NREP: variants seen among roughly 807,000 people sequenced by gnomAD.
The protein encoded by NREP is neuronal regeneration related protein.
In NREP, 5 loss-of-function variants were observed where a neutral mutation model predicts 8.6. That is an observed-to-expected ratio of 0.58 (90% CI 0.30 to 1.22). The LOEUF is 1.22. Among genes scored for constraint, NREP ranks in the 50% most tolerant of loss-of-function variants. The probability of loss-of-function intolerance (pLI) is 0.07; values close to 1 mark genes in which losing one functional copy is unlikely to be tolerated. For missense variants in NREP, 86 were observed against 82.5 expected (o/e 1.04, Z -0.17); for synonymous variants, 27 against 28.0 (o/e 0.96, Z 0.11).
chr5:111,794,186 T>C (rs1176448266), intron 2 of NREP, among the ~76,000 whole-genome samples: 1 of 152,246 alleles, frequency 6.6e-6, no homozygotes, highest in African/African-American at 2.4e-5. Flanking sequence ...CTGGCAAGGA[T>C]GTCAAACAAC....
intron 2 of NREP, among the ~76,000 whole-genome samples, chr5:111,946,501 G>A (rs1006955735): frequency 2.0e-5 from 3 of 151,838 alleles, no homozygotes; most frequent in South Asian, 4.2e-4. Flanking sequence ...TGTTTTTCAG[G>A]CCACAGTAAA....
At chr5:111,811,747 T>C (rs1042160495) in intron 2 of NREP, among the ~76,000 whole-genome samples, 1 of 152,066 alleles carries the variant, frequency 6.6e-6, no homozygotes, top group Non-Finnish European at 1.5e-5. Flanking sequence ...TGGTTGCAGG[T>C]TTTTTTTAAA....
chr5:111,895,545 A>T (rs1403862639), intron 2 of NREP, among the ~76,000 whole-genome samples: 2 of 152,114 alleles, frequency 1.3e-5, no homozygotes, highest in African/African-American at 4.8e-5. Context: ...GTGCAACATA[A>T]TGAGTGAGGG....
intron 3 of NREP, chr5:111,734,828 G>A: frequency 3.5e-6 from 2 of 571,932 alleles, no homozygotes; most frequent in South Asian, 2.3e-5. Context: ...GCAAAGTCCA[G>A]TATCTACAGT....
chr5:111,849,067 G>C (rs1753248548), intron 2 of NREP, among the ~76,000 whole-genome samples: 1 of 152,012 alleles, frequency 6.6e-6, no homozygotes, highest in Non-Finnish European at 1.5e-5. Flanking sequence ...TAGTTTTGTG[G>C]GTAACACAGA....
chr5:111,736,765 CTGA>C (rs1296918793), intron 2 of NREP, among the ~76,000 whole-genome samples: 4 of 152,206 alleles, frequency 2.6e-5, no homozygotes, highest in South Asian at 2.1e-4. Flanking sequence ...TTAATTTGTC[CTGA>C]TGATAAGCCA....
chr5:111,858,789 C>T (rs1452831570), intron 2 of NREP, among the ~76,000 whole-genome samples: 2 of 152,088 alleles, frequency 1.3e-5, no homozygotes, highest in African/African-American at 4.8e-5. Context: ...TTGATCTGGC[C>T]ATTTTTAAAC....
At chr5:111,844,771 C>A (rs1348943232) in intron 2 of NREP, among the ~76,000 whole-genome samples, 1 of 149,392 alleles carries the variant, frequency 6.7e-6, no homozygotes. Context: ...TTTCTGCTCT[C>A]AAATTAACTA....
At chr5:111,771,274 T>G (rs942969663) in intron 2 of NREP, among the ~76,000 whole-genome samples, 1 of 152,178 alleles carries the variant, frequency 6.6e-6, no homozygotes, top group Admixed American at 6.5e-5. Context: ...TCTCTTACAC[T>G]TCACAGATTC....
In NREP at chr5:111,891,164, A is replaced by T. The variant is rs544596228; in HGVS notation, c.135+84110T>A. On this transcript the variant is annotated intron_variant, in intron 2 of 3. Coordinates refer to the NREP transcript ENST00000395634. The stretch of plus-strand genomic sequence containing the variant: ...ATGTCTAGAACACTTGGCTGCTTAG[A>T]AATTTCTTCCACCACATACCTAAAC... Among the ~76,000 whole-genome samples the T allele has an allele frequency of 2.0e-3, 305 of 152,338 alleles. 2 individuals carry two copies. Among genetic ancestry groups the T allele is most frequent in the Non-Finnish European group, 3.2e-3 (220 of 68,036 alleles).
intron 2 of NREP, among the ~76,000 whole-genome samples, chr5:111,861,290 A>AAG (rs1561697716): frequency 6.6e-6 from 1 of 152,158 alleles, no homozygotes; most frequent in Non-Finnish European, 1.5e-5. Context: ...GTGGCTGCCC[A>AAG]GGTCTTTGCC....
intron 2 of NREP, among the ~76,000 whole-genome samples, chr5:111,745,182 G>A (rs977398627): frequency 2.6e-5 from 4 of 152,146 alleles, no homozygotes; most frequent in African/African-American, 7.2e-5. Flanking sequence ...CTGGCAACAG[G>A]ATCAGGCACA....
intron 2 of NREP, among the ~76,000 whole-genome samples, chr5:111,747,810 C>T (rs933374343): frequency 4.6e-5 from 7 of 152,114 alleles, no homozygotes; most frequent in Non-Finnish European, 1.0e-4. Context: ...GAACACTGAA[C>T]CAAGCAGTCT....
chr5:111,757,231 G>C (rs3733993), upstream of NREP: 2 of 560,896 alleles, frequency 3.6e-6, no homozygotes, highest in Non-Finnish European at 4.5e-6. Context: ...AGACAGATTG[G>C]GGGGGGAGGG....
chr5:111,733,587 A>AGAT, intron 3 of NREP: 1 of 152,234 alleles, frequency 6.6e-6, no homozygotes, highest in East Asian at 1.9e-4. Flanking sequence ...GGCATTTTGA[A>AGAT]GATGGGACAC....
chr5:111,928,628 A>G (rs942122377), intron 2 of NREP, among the ~76,000 whole-genome samples: 1 of 152,114 alleles, frequency 6.6e-6, no homozygotes, highest in African/African-American at 2.4e-5. Context: ...TTCCTCTCAT[A>G]CAATACTCCC....
At chr5:111,896,406 T>C (rs1299425565) in intron 2 of NREP, among the ~76,000 whole-genome samples, 1 of 152,226 alleles carries the variant, frequency 6.6e-6, no homozygotes, top group Admixed American at 6.5e-5. Flanking sequence ...AAGTTTCATA[T>C]GCCTGTGAAA....
chr5:111,731,135 T>C lies in NREP; in HGVS notation c.82-89A>G. The C allele has an allele frequency of 2.7e-6, 4 of 1,472,418 alleles. No individual in the cohort carries two copies. The South Asian group carries it at 5.0e-5, about 18-fold the overall frequency. 91.2% of individuals were successfully genotyped at this position (1,472,418 alleles called of 1,614,324 possible). On this transcript the variant is annotated intron_variant, in intron 3 of 3. Transcript: ENST00000257435. ...TGAAACCATTTTTTAAAATTTTGCT[T>C]TTCCTGCCCAGCCCACATTATACCC...
chr5:111,800,518 G>A (rs1204185983), intron 2 of NREP, among the ~76,000 whole-genome samples: 1 of 152,206 alleles, frequency 6.6e-6, no homozygotes, highest in Non-Finnish European at 1.5e-5. Flanking sequence ...CCTGTGGAAT[G>A]ATAGCGCATG....
Sources: gnomAD v4.1 joint callset for allele counts (sites outside exome capture counted in the v4.1 genomes callset) on GRCh38, gnomAD v4.1.1 for gene constraint, MANE v1.5 for transcripts, NCBI Gene and HGNC (gene_info 2026-07-23, HGNC 2026-07-21) for gene names.